PAPPA2: variants seen among roughly 807,000 people sequenced by gnomAD.
PAPPA2 encodes the protein pappalysin 2.
In PAPPA2, 86 loss-of-function variants were observed where a neutral mutation model predicts 176.4. The observed-to-expected ratio is 0.49, with a 90% confidence interval of 0.41 to 0.58. PAPPA2 has a LOEUF of 0.58. Ranked by LOEUF, PAPPA2 falls within the 20% of genes least tolerant of loss-of-function variation. The pLI is 0.00. For missense variants in PAPPA2, 2,073 were observed against 2,256.9 expected (o/e 0.92, Z 1.65); for synonymous variants, 809 against 852.2 (o/e 0.95, Z 0.88).
chr1:176,654,110 G>A (rs1022986383), intron 3 of PAPPA2, among the ~76,000 whole-genome samples: 1 of 151,554 alleles, frequency 6.6e-6, no homozygotes, highest in African/African-American at 2.4e-5. Flanking sequence ...TGAGATCATA[G>A]TCATTCATAA....
intron 3 of PAPPA2, among the ~76,000 whole-genome samples, chr1:176,660,470 G>T (rs922980733): frequency 5.3e-5 from 8 of 152,024 alleles, no homozygotes; most frequent in Non-Finnish European, 1.2e-4. Context: ...TCGCAAATTT[G>T]ACAAACTTAC....
intron 21 of PAPPA2, among the ~76,000 whole-genome samples, chr1:176,803,304 G>A (rs563411766): frequency 4.6e-4 from 70 of 152,270 alleles, no homozygotes; most frequent in South Asian, 2.3e-3. Context: ...TGCCTGGCCC[G>A]TAAGAGATTC....
intron 1 of PAPPA2, among the ~76,000 whole-genome samples, chr1:176,555,138 G>A (rs529605949): frequency 6.6e-6 from 1 of 152,280 alleles, no homozygotes; most frequent in African/African-American, 2.4e-5. Flanking sequence ...GAAACCAAGA[G>A]TAGCGTCTGT....
In PAPPA2 at chr1:176,789,826, A is replaced by C; in HGVS notation, c.4733A>C (p.Gln1578Pro). 1.2e-6 allele frequency: 2 copies of C among 1,613,820 alleles called. No individual in the cohort carries two copies. The highest frequency in any genetic ancestry group is 1.7e-6 in the Non-Finnish European group (2 of 1,179,900). The change falls in exon 18 of 23, where the codon CAA (glutamine) becomes CCA (proline). Residue 1578 changes from glutamine (Q) to proline (P), a missense_variant. Gln to Pro is a moderately conservative substitution (Grantham distance 76). Coordinates refer to ENST00000367662, the MANE Select transcript of PAPPA2 (RefSeq NM_020318.3). ...TTTATCAGCAAGCTCCTGAAGATAC[A>C]ATGCCTGGAAGGTGGAATCTGGGAG... The part of the protein sequence containing the change: ...GKVRNKLLKI[Q>P]CLEGGIWEQG...
chr1:176,683,200 T>C (rs954187793), intron 4 of PAPPA2, among the ~76,000 whole-genome samples: 1 of 152,144 alleles, frequency 6.6e-6, no homozygotes, highest in Non-Finnish European at 1.5e-5. Flanking sequence ...TTTCATCTTC[T>C]AATTAGCAGA....
intron 12 of PAPPA2, among the ~76,000 whole-genome samples, chr1:176,715,417 T>C (rs1482310412): frequency 6.6e-6 from 1 of 152,078 alleles, no homozygotes; most frequent in African/African-American, 2.4e-5. Flanking sequence ...CCACCCCCAC[T>C]GGAGCAGGGG....
chr1:176,818,926 C>T (rs571404526), intron 21 of PAPPA2, among the ~76,000 whole-genome samples: 14 of 152,280 alleles, frequency 9.2e-5, no homozygotes. Flanking sequence ...TCCCAATTCC[C>T]TTATACTGGC....
intron 17 of PAPPA2, among the ~76,000 whole-genome samples, chr1:176,779,051 G>A (rs1334957353): frequency 6.6e-6 from 1 of 152,082 alleles, no homozygotes; most frequent in Non-Finnish European, 1.5e-5. Context: ...TTCAAACTCA[G>A]CCCTTGTTGA....
Position 176,616,855 on chromosome 1 carries a change from T to A in PAPPA2, c.1991+21260T>A, listed in dbSNP as rs1357426995. 5.7e-6 allele frequency: 3 copies of A among 527,394 alleles called. No individual in the cohort carries two copies. In the South Asian group the frequency reaches 5.8e-5, roughly 10 times the overall value. The allele number at this position is 527,394 out of a possible 1,614,324, so 32.7% of individuals were successfully genotyped here. ...ATTAAAAAATTGAATACAGAAATGA[T>A]TCAAAGAAACTGAAGTCGACTTCAA... On this transcript the variant is annotated intron_variant, in intron 3 of 22. Coordinates refer to ENST00000367662, the MANE Select transcript of PAPPA2 (RefSeq NM_020318.3).
chr1:176,656,672 C>G (rs1200376885), intron 3 of PAPPA2, among the ~76,000 whole-genome samples: 1 of 151,848 alleles, frequency 6.6e-6, no homozygotes. Flanking sequence ...CTTCTTCTCT[C>G]TTCTCTTAAA....
At chr1:176,584,770 T>G (rs1484070200) in intron 2 of PAPPA2, among the ~76,000 whole-genome samples, 1 of 152,212 alleles carries the variant, frequency 6.6e-6, no homozygotes, top group Non-Finnish European at 1.5e-5. Context: ...TGTCTTGCTC[T>G]GTCACCCAGG....
chr1:176,674,234 A>G (rs1469562898), intron 4 of PAPPA2, among the ~76,000 whole-genome samples: 4 of 152,084 alleles, frequency 2.6e-5, no homozygotes, highest in African/African-American at 9.7e-5. Context: ...CAGCTTATAC[A>G]AAGCCTAAAA....
At position 176,594,633 on chromosome 1, in the gene PAPPA2, C is replaced by T; in HGVS notation, c.1029C>T (p.Cys343=). The change falls in exon 3 of 23, where the codon TGC becomes TGT. Residue 343 remains cysteine, a synonymous_variant. Transcript: ENST00000367662. ...ATGCTCGCTTCTTCTTCTCCCTCTG[C>T]ACCGACCGCGTGAAGAAAGCCACCA... is the stretch of plus-strand genomic sequence containing the variant. ...KRDARFFFSL[C]TDRVKKATIL... 2 of 1,614,204 alleles carry T rather than the reference C, an allele frequency of 1.2e-6. No homozygotes were observed. The highest frequency in any genetic ancestry group is 1.7e-6 in the Non-Finnish European group (2 of 1,180,032).
chr1:176,463,613 A>G (rs1023064391), intron 1 of PAPPA2, among the ~76,000 whole-genome samples, 195 bp downstream of exon 1: 2 of 152,186 alleles, frequency 1.3e-5, no homozygotes, highest in African/African-American at 2.4e-5. Flanking sequence ...TCCAAGGGTC[A>G]GGCTCCCACT....
intron 1 of PAPPA2, among the ~76,000 whole-genome samples, chr1:176,517,111 C>T (rs1217604733): frequency 1.3e-5 from 2 of 152,088 alleles, no homozygotes; most frequent in Non-Finnish European, 1.5e-5. Flanking sequence ...TGACCTTCCG[C>T]AAAAACCAGG....
intron 19 of PAPPA2, among the ~76,000 whole-genome samples, chr1:176,791,950 G>A (rs1665196137): frequency 1.3e-5 from 2 of 152,146 alleles, no homozygotes; most frequent in Admixed American, 1.3e-4. Flanking sequence ...AACTTTGAGG[G>A]GCCTAGACCA....
chr1:176,498,569 A>C (rs1021179367), intron 1 of PAPPA2, among the ~76,000 whole-genome samples: 11 of 151,856 alleles, frequency 7.2e-5, no homozygotes, highest in Admixed American at 6.6e-5. Flanking sequence ...GACCAACATG[A>C]TGAAACCCAG....
At chr1:176,546,687 AG>A (rs1650655145) in intron 1 of PAPPA2, among the ~76,000 whole-genome samples, 1 of 152,234 alleles carries the variant, frequency 6.6e-6, no homozygotes, top group African/African-American at 2.4e-5. Flanking sequence ...ACAAAAGCTA[AG>A]AATTGGTTTG....
At position 176,502,828 on chromosome 1, in the gene PAPPA2, A is replaced by C. The variant is rs112362398; in HGVS notation, c.-917+39410A>C. On this transcript the variant is annotated intron_variant, in intron 1 of 22. Coordinates refer to ENST00000367662, the MANE Select transcript of PAPPA2 (RefSeq NM_020318.3). ...TCCAACATTTAATTTGTGTGAAGAA[A>C]AGGGGTACAACATGATTAGGTGCCT... Among the ~76,000 whole-genome samples, 405 of 152,282 alleles carry C rather than the reference A, an allele frequency of 2.7e-3. 1 individual carries two copies. The highest frequency in any genetic ancestry group is 9.0e-3 in the African/African-American group (373 of 41,580).
Sources: allele counts gnomAD v4.1 joint callset (sites outside exome capture counted in the v4.1 genomes callset), GRCh38; gene constraint gnomAD v4.1.1; transcripts MANE v1.5; gene names NCBI Gene and HGNC (gene_info 2026-07-23, HGNC 2026-07-21).